The following SGCZ variants were observed in gnomAD, a reference collection of about 807,000 sequenced individuals.
SGCZ encodes sarcoglycan zeta.
Under a neutral mutation model 41.3 loss-of-function variants are expected in SGCZ, and 40 were observed. That is an observed-to-expected ratio of 0.97 (90% CI 0.75 to 1.26). The LOEUF is 1.26. Among genes scored for constraint, SGCZ ranks in the 50% most tolerant of loss-of-function variants. SGCZ has a pLI of 0.00. For missense variants in SGCZ, 552 were observed against 369.8 expected, an observed-to-expected ratio of 1.49 and a Z score of -4.04; for synonymous variants, 206 against 137.5, an observed-to-expected ratio of 1.50 and a Z score of -3.49.
intron 1 of SGCZ, among the ~76,000 whole-genome samples, chr8:14,664,977 A>G (rs1049816809): frequency 6.6e-6 from 1 of 152,128 alleles, no homozygotes; most frequent in East Asian, 1.9e-4. Context: ...GTGAAATACC[A>G]TTTGAATTTT....
intron 2 of SGCZ, among the ~76,000 whole-genome samples, chr8:14,432,209 T>C (rs1297789093): frequency 6.6e-6 from 1 of 152,192 alleles, no homozygotes; most frequent in African/African-American, 2.4e-5. Context: ...TATGTCATTA[T>C]ACAAAAAGAT....
chr8:14,930,027 T>A (rs1440521701), intron 1 of SGCZ, among the ~76,000 whole-genome samples: 2 of 152,036 alleles, frequency 1.3e-5, no homozygotes, highest in Non-Finnish European at 2.9e-5. Context: ...GAGAAATTTG[T>A]TTTGGAGTCT....
At chr8:14,128,067 T>C (rs1053885531) in intron 5 of SGCZ, among the ~76,000 whole-genome samples, 2 of 152,156 alleles carry the variant, frequency 1.3e-5, no homozygotes, top group Non-Finnish European at 2.9e-5. Flanking sequence ...ATAATAGCTA[T>C]CATTAAACAG....
Position 14,973,924 on chromosome 8 carries a change from C to T in SGCZ, c.39+263661G>A, listed in dbSNP as rs116902646. ...TATGTACATGACATAAGAGACTAGGCTTTTTTTAAAGCCTAATGGACATTT... is the reference window on the plus strand; with the variant it reads ...TATGTACATGACATAAGAGACTAGGTTTTTTTTAAAGCCTAATGGACATTT... On this transcript the variant is annotated intron_variant, in intron 1 of 7. Coordinates refer to ENST00000382080, the MANE Select transcript of SGCZ (RefSeq NM_139167.4). 1.1e-3 allele frequency among the ~76,000 whole-genome samples: 161 copies of T among 152,106 alleles called. 4 individuals carry two copies. The East Asian group carries it at 0.026, about 24-fold the overall frequency.
At chr8:14,958,863 G>A (rs1800877350) in intron 1 of SGCZ, among the ~76,000 whole-genome samples, 1 of 152,008 alleles carries the variant, frequency 6.6e-6, no homozygotes, top group Non-Finnish European at 1.5e-5. Context: ...ACATAAATAG[G>A]CAGATATTTA....
intron 2 of SGCZ, among the ~76,000 whole-genome samples, chr8:14,508,549 T>G (rs1035386915): frequency 1.3e-5 from 2 of 152,086 alleles, no homozygotes; most frequent in Non-Finnish European, 2.9e-5. Context: ...TTTTATAAGG[T>G]GGATGAATTA....
At chr8:15,134,524 T>A (rs1432871591) in intron 1 of SGCZ, among the ~76,000 whole-genome samples, 1 of 152,130 alleles carries the variant, frequency 6.6e-6, no homozygotes, top group Non-Finnish European at 1.5e-5. Context: ...TCCTTTTATA[T>A]AATAAAATCC....
At chr8:14,594,735 A>G (rs11781336) in intron 1 of SGCZ, among the ~76,000 whole-genome samples, 1 of 151,734 alleles carries the variant, frequency 6.6e-6, no homozygotes, top group Non-Finnish European at 1.5e-5. Context: ...GGTGTCTTGC[A>G]TATGTGTGTG....
chr8:15,128,682 A>G (rs1370597714), intron 1 of SGCZ, among the ~76,000 whole-genome samples: 2 of 152,216 alleles, frequency 1.3e-5, no homozygotes, highest in Non-Finnish European at 2.9e-5. Context: ...GGCTTACTGC[A>G]AAGAAACACA....
intron 1 of SGCZ, among the ~76,000 whole-genome samples, chr8:14,684,840 A>T (rs1222345684): frequency 4.6e-5 from 7 of 152,106 alleles, no homozygotes; most frequent in African/African-American, 1.7e-4. Flanking sequence ...ATTTCAAGAA[A>T]CAATGCAGCC....
intron 1 of SGCZ, among the ~76,000 whole-genome samples, chr8:15,186,636 A>G (rs78807966): frequency 0.076 from 11,593 of 152,264 alleles, 523 homozygotes; most frequent in Non-Finnish European, 0.1. Context: ...CACTCTAACT[A>G]TGAAACATTC....
chr8:14,523,607 T>C (rs1412223480), intron 2 of SGCZ, among the ~76,000 whole-genome samples: 1 of 152,060 alleles, frequency 6.6e-6, no homozygotes, highest in Admixed American at 6.6e-5. Context: ...TTTTGTTTGG[T>C]TTTTACTTTC....
chr8:14,814,900 A>T (rs1412003044), intron 1 of SGCZ, among the ~76,000 whole-genome samples: 1 of 152,190 alleles, frequency 6.6e-6, no homozygotes, highest in Non-Finnish European at 1.5e-5. Context: ...AGCTACATAT[A>T]GTTGCTATTT....
rs71209070 is a variant in SGCZ, at chr8:14,624,543, T to TTTATTATTATTATTA, written c.40-69618_40-69617insTAATAATAATAATAA. ...AGAAACATAAATATCACTCCCCAAT[T>TTTATTATTATTATTA]TTATTATTATTATTTTTTTTTTTTT... is the stretch of plus-strand genomic sequence containing the variant. On this transcript the variant is annotated intron_variant, in intron 1 of 7. Transcript: ENST00000382080. 4.1e-3 allele frequency among the ~76,000 whole-genome samples: 219 copies of TTTATTATTATTATTA among 52,988 alleles called. 3 individuals are homozygous for TTTATTATTATTATTA. The highest frequency in any genetic ancestry group is 0.013 in the South Asian group (16 of 1,262). The allele number at this position is 52,988 out of a possible 152,430, so 34.8% of individuals were successfully genotyped here. A position where few individuals can be genotyped will look rare whatever the true frequency, so the allele number is the denominator to read the frequency against.
intron 2 of SGCZ, among the ~76,000 whole-genome samples, chr8:14,528,402 C>T (rs1803018613): frequency 6.6e-6 from 1 of 152,088 alleles, no homozygotes; most frequent in Non-Finnish European, 1.5e-5. Flanking sequence ...GTTCACATCA[C>T]TCCAGATTAC....
At chr8:14,408,861 C>T (rs10111130) in intron 2 of SGCZ, among the ~76,000 whole-genome samples, 3,323 of 152,146 alleles carry the variant, frequency 0.022, 95 homozygotes, top group African/African-American at 0.06. Context: ...TTGAGACCTT[C>T]TCTGAATTTT....
chr8:14,407,912 C>G (rs1308344887), intron 2 of SGCZ, among the ~76,000 whole-genome samples: 3 of 152,120 alleles, frequency 2.0e-5, no homozygotes, highest in African/African-American at 7.2e-5. Context: ...CCTCTTGAGT[C>G]TCACGTTTTT....
chr8:14,903,618 C>A (rs1236550087), intron 1 of SGCZ, among the ~76,000 whole-genome samples: 1 of 152,022 alleles, frequency 6.6e-6, no homozygotes, highest in Admixed American at 6.6e-5. Flanking sequence ...GTTTCAGTCA[C>A]TTCTATGAAA....
At chr8:15,041,373 AT>A (rs1399296198) in intron 1 of SGCZ, among the ~76,000 whole-genome samples, 1 of 152,032 alleles carries the variant, frequency 6.6e-6, no homozygotes, top group Admixed American at 6.6e-5. Flanking sequence ...TATAGAATGC[AT>A]TTTAAAGTAC....
Sources: allele counts gnomAD v4.1 joint callset (sites outside exome capture counted in the v4.1 genomes callset), GRCh38; gene constraint gnomAD v4.1.1; transcripts MANE v1.5; gene names NCBI Gene and HGNC (gene_info 2026-07-23, HGNC 2026-07-21).